Variants in VWC2L observed in about 807,000 individuals in gnomAD.
VWC2L encodes von Willebrand factor C domain containing 2 like.
VWC2L carries 10 observed loss-of-function variants against 21.6 expected under a neutral mutation model. The observed-to-expected ratio is 0.46, with a 90% CI of 0.29 to 0.78. VWC2L has a LOEUF of 0.78. Ranked by LOEUF, VWC2L falls within the 30% of genes least tolerant of loss-of-function variation. The pLI is 0.10. For synonymous variants in VWC2L, 96 were observed against 94.3 expected (o/e 1.02, Z -0.10); for missense variants, 209 against 277.1 (o/e 0.75, Z 1.74).
intron 3 of VWC2L, among the ~76,000 whole-genome samples, chr2:214,521,820 C>T (rs945825575): frequency 2.0e-5 from 3 of 152,202 alleles, no homozygotes; most frequent in African/African-American, 7.2e-5. Context: ...ACTCTGGCCA[C>T]AAGAAATGCT....
chr2:214,551,318 C>T (rs994216415), intron 3 of VWC2L, among the ~76,000 whole-genome samples: 1 of 152,076 alleles, frequency 6.6e-6, no homozygotes, highest in Non-Finnish European at 1.5e-5. Context: ...TCAAATTTTA[C>T]AAATCTTCTT....
chr2:214,454,728 G>A (rs1703030297), intron 3 of VWC2L, among the ~76,000 whole-genome samples: 1 of 144,346 alleles, frequency 6.9e-6, no homozygotes, highest in Non-Finnish European at 1.5e-5. Context: ...CTCAGCCTCC[G>A]AGTAGCTGGG....
chr2:214,484,162 T>C (rs1207971432), intron 3 of VWC2L, among the ~76,000 whole-genome samples: 1 of 152,118 alleles, frequency 6.6e-6, no homozygotes, highest in Non-Finnish European at 1.5e-5. Context: ...AGTTACTGGA[T>C]TAGGGCCCAC....
At chr2:214,478,481 AC>A (rs1468577828) in intron 3 of VWC2L, among the ~76,000 whole-genome samples, 1 of 151,540 alleles carries the variant, frequency 6.6e-6, no homozygotes, top group African/African-American at 2.4e-5. Context: ...AAAAAAAAAA[AC>A]AACAAAAAAC....
chr2:214,436,687 C>A lies in VWC2L; in HGVS notation c.449C>A (p.Ala150Glu), dbSNP rs1367138357. The change falls in exon 3 of 4, where the codon GCA becomes GAA. Residue 150 changes from alanine to glutamate, a missense_variant. Physicochemically the swap from Ala to Glu is moderately radical, Grantham distance 107. Coordinates refer to ENST00000312504, the MANE Select transcript of VWC2L (RefSeq NM_001080500.4). ...EPSNEVHCVV[A>E]DCAVPECVNP... is the part of the protein sequence containing the mutation. ...AGCAATGAAGTTCACTGTGTTGTAG[C>A]AGACTGCGCAGTTCCTGAGTGTGTC... 1.9e-6 allele frequency: 3 copies of A among 1,613,422 alleles called. No individual in the cohort carries two copies. Among genetic ancestry groups the A allele is most frequent in the Non-Finnish European group, 2.5e-6 (3 of 1,179,484 alleles).
At chr2:214,512,913 A>G (rs1689078557) in intron 3 of VWC2L, among the ~76,000 whole-genome samples, 2 of 152,146 alleles carry the variant, frequency 1.3e-5, no homozygotes, top group Admixed American at 6.5e-5. Context: ...CTCCTGAAAC[A>G]TCACTGGTTT....
At chr2:214,516,627 G>A (rs1574610324) in intron 3 of VWC2L, among the ~76,000 whole-genome samples, 1 of 150,006 alleles carries the variant, frequency 6.7e-6, no homozygotes, top group Non-Finnish European at 1.5e-5. Flanking sequence ...AAGCAAAATT[G>A]TGCTGCCAGA....
chr2:214,557,007 C>A (rs1026022261), intron 3 of VWC2L, among the ~76,000 whole-genome samples: 1 of 152,132 alleles, frequency 6.6e-6, no homozygotes, highest in African/African-American at 2.4e-5. Flanking sequence ...TCTTACTGTT[C>A]CCTGTTCACA....
intron 2 of VWC2L, among the ~76,000 whole-genome samples, chr2:214,432,107 A>G (rs1314420092): frequency 6.6e-6 from 1 of 152,226 alleles, no homozygotes; most frequent in Non-Finnish European, 1.5e-5. Flanking sequence ...ACTCAAAATC[A>G]TTTTCACGCA....
At chr2:214,510,168 C>T (rs1025847732) in intron 3 of VWC2L, 4 of 152,200 alleles carry the variant, frequency 2.6e-5, no homozygotes. Context: ...CCAGTTGATA[C>T]TCATTCTGAA....
chr2:214,465,372 C>A (rs1331484359), intron 3 of VWC2L, among the ~76,000 whole-genome samples: 1 of 152,154 alleles, frequency 6.6e-6, no homozygotes, highest in Non-Finnish European at 1.5e-5. Context: ...AGGACTGGGT[C>A]CTTCCCTTCA....
chr2:214,485,172 T>C (rs1448617780), intron 3 of VWC2L, among the ~76,000 whole-genome samples: 1 of 151,900 alleles, frequency 6.6e-6, no homozygotes, highest in Non-Finnish European at 1.5e-5. Flanking sequence ...CAAAAAAAAT[T>C]AGCTGGGCAT....
intron 3 of VWC2L, among the ~76,000 whole-genome samples, chr2:214,534,376 C>T (rs1689490999): frequency 6.6e-6 from 1 of 152,112 alleles, no homozygotes; most frequent in Non-Finnish European, 1.5e-5. Flanking sequence ...TTCATTGTAT[C>T]TCTGCGTTCT....
chr2:214,546,452 T>C (rs1427142312), intron 3 of VWC2L, among the ~76,000 whole-genome samples: 1 of 152,180 alleles, frequency 6.6e-6, no homozygotes, highest in Non-Finnish European at 1.5e-5. Context: ...CAAAAGTACT[T>C]CTTTATCCTA....
chr2:214,506,351 C>T (rs1285521900), intron 3 of VWC2L, among the ~76,000 whole-genome samples: 3 of 152,108 alleles, frequency 2.0e-5, no homozygotes, highest in Admixed American at 2.0e-4. Context: ...ATGAACAATG[C>T]TAATGCCTAA....
intron 3 of VWC2L, among the ~76,000 whole-genome samples, chr2:214,549,200 A>C (rs183588851): frequency 1.3e-5 from 2 of 152,254 alleles, no homozygotes; most frequent in East Asian, 3.9e-4. Context: ...TAGATAATTT[A>C]TGCTAATTTC....
At chr2:214,459,856 A>C (rs1703112567) in intron 3 of VWC2L, among the ~76,000 whole-genome samples, 1 of 151,644 alleles carries the variant, frequency 6.6e-6, no homozygotes, top group Non-Finnish European at 1.5e-5. Flanking sequence ...CCTATATGTA[A>C]ATAGATGCTT....
intron 3 of VWC2L, among the ~76,000 whole-genome samples, chr2:214,438,394 T>C (rs1050715398): frequency 5.3e-5 from 8 of 152,074 alleles, no homozygotes; most frequent in African/African-American, 1.9e-4. Flanking sequence ...ACTGCACTTT[T>C]TTTTTTCTTT....
intron 3 of VWC2L, among the ~76,000 whole-genome samples, chr2:214,466,766 T>C (rs1703223679): frequency 6.6e-6 from 1 of 152,234 alleles, no homozygotes. Flanking sequence ...CTCTAGAAGT[T>C]GGATTTGGTT....
Sources: gnomAD v4.1 joint callset for allele counts (sites outside exome capture counted in the v4.1 genomes callset) on GRCh38, gnomAD v4.1.1 for gene constraint, MANE v1.5 for transcripts, NCBI Gene and HGNC (gene_info 2026-07-23, HGNC 2026-07-21) for gene names.